RHOT1: variants seen among roughly 807,000 people sequenced by gnomAD.
The protein encoded by RHOT1 is ras homolog family member T1.
In RHOT1, 27 loss-of-function variants were observed where a neutral mutation model predicts 95.3. That is an observed-to-expected ratio of 0.28 (90% CI 0.21 to 0.39). RHOT1 has a LOEUF of 0.39. Ranked by LOEUF, RHOT1 falls within the 10% of genes least tolerant of loss-of-function variation. The pLI is 1.00. For synonymous variants in RHOT1, 227 were observed against 263.5 expected (o/e 0.86, Z 1.34); for missense variants, 578 against 786.7 (o/e 0.73, Z 3.17).
At chr17:32,143,374 C>T (rs551027563) in intron 1 of RHOT1, among the ~76,000 whole-genome samples, 7 of 152,280 alleles carry the variant, frequency 4.6e-5, no homozygotes, top group Admixed American at 2.0e-4. Flanking sequence ...TGGACTAACT[C>T]CTCGTACTCG....
chr17:32,165,045 A>C (rs560801888), intron 1 of RHOT1, among the ~76,000 whole-genome samples: 2 of 151,780 alleles, frequency 1.3e-5, no homozygotes, highest in East Asian at 3.9e-4. Flanking sequence ...ACAAAACAAA[A>C]AAAACAGGGC....
chr17:32,186,902 T>G (rs2036103259), intron 8 of RHOT1, among the ~76,000 whole-genome samples: 1 of 152,182 alleles, frequency 6.6e-6, no homozygotes, highest in African/African-American at 2.4e-5. Flanking sequence ...CCTCAAACAG[T>G]CCTTCTGCCC....
At chr17:32,171,786 A>G (rs930703362) in intron 2 of RHOT1, among the ~76,000 whole-genome samples, 3 of 152,198 alleles carry the variant, frequency 2.0e-5, no homozygotes, top group African/African-American at 7.2e-5. Flanking sequence ...AACCTTTAAT[A>G]TGATCTACCT....
intron 1 of RHOT1, among the ~76,000 whole-genome samples, chr17:32,165,336 C>CAAAA (rs773728913): frequency 2.9e-5 from 1 of 34,316 alleles, no homozygotes; most frequent in African/African-American, 1.2e-4. Context: ...GACTCCGTCT[C>CAAAA]AAAAAAAAAA....
chr17:32,192,105 G>T, intron 8 of RHOT1, 96 bp from the exon 9 acceptor site: 1 of 672,438 alleles, frequency 1.5e-6, no homozygotes, highest in South Asian at 2.1e-5. Context: ...CATGTTGGTT[G>T]TATTTGATAT....
rs576639915 is a variant in RHOT1, at chr17:32,192,859, A to G, written c.640-277A>G. On this transcript the variant is annotated intron_variant, in intron 9 of 19. Coordinates refer to ENST00000545287, the MANE Select transcript of RHOT1 (RefSeq NM_001033566.3). ...GCTAATTTTTGTATTTTTAGTAGAG[A>G]CGGGGTTTCACCATGTTGGCCAGGG... Among the ~76,000 whole-genome samples the G allele has an allele frequency of 8.6e-5, 13 of 151,692 alleles. No homozygotes were observed. The East Asian group carries it at 2.5e-3, about 29-fold the overall frequency.
At chr17:32,213,311 C>G (rs1297321615) in intron 19 of RHOT1, among the ~76,000 whole-genome samples, 1 of 152,096 alleles carries the variant, frequency 6.6e-6, no homozygotes, top group Non-Finnish European at 1.5e-5. Flanking sequence ...TTTCTCTAAG[C>G]ATTGTGTTAT....
At chr17:32,184,928 C>CT (rs1050141820) in intron 8 of RHOT1, among the ~76,000 whole-genome samples, 16 of 147,670 alleles carry the variant, frequency 1.1e-4, no homozygotes, top group East Asian at 4.1e-4. Context: ...CACTTGTTTG[C>CT]TTTTTTTTTG....
chr17:32,145,712 C>T (rs865914774), intron 1 of RHOT1, among the ~76,000 whole-genome samples: 11 of 152,076 alleles, frequency 7.2e-5, no homozygotes, highest in Non-Finnish European at 1.5e-4. Context: ...TTCTGCTATG[C>T]ACCTTAAAAA....
rs572972650 is a variant in RHOT1, at chr17:32,183,281, C to T, written c.540+9C>T. On this transcript the variant is annotated intron_variant, in intron 8 of 19. Coordinates refer to ENST00000545287, the MANE Select transcript of RHOT1 (RefSeq NM_001033566.3). ...GCCCAGAGGAGAAGGAGGTAACAGG[C>T]TGTGTTTATAGGGGCTGGAATGTGT... 7.1e-7 allele frequency: 1 copy of T among 1,416,284 alleles called. No homozygotes were observed. The highest frequency in any genetic ancestry group is 2.4e-5 in the East Asian group (1 of 41,150). 87.7% of individuals were successfully genotyped at this position (1,416,284 alleles called of 1,614,324 possible). A position where few individuals can be genotyped will look rare whatever the true frequency, so the allele number is the denominator to read the frequency against.
intron 6 of RHOT1, among the ~76,000 whole-genome samples, chr17:32,177,010 C>T (rs2142569061): frequency 6.6e-6 from 1 of 152,282 alleles, no homozygotes; most frequent in African/African-American, 2.4e-5. Flanking sequence ...AAACATATGA[C>T]TATGGTCATT....
chr17:32,205,850 AT>A (rs754623337), intron 16 of RHOT1, among the ~76,000 whole-genome samples: 1 of 152,154 alleles, frequency 6.6e-6, no homozygotes, highest in East Asian at 1.9e-4. Context: ...CCACCCCTGA[AT>A]TTTACTCTTG....
chr17:32,219,752 A>G (rs2038712208), intron 19 of RHOT1, among the ~76,000 whole-genome samples: 1 of 152,236 alleles, frequency 6.6e-6, no homozygotes, highest in African/African-American at 2.4e-5. Context: ...CAGAAAGCCA[A>G]CATCCCAGAC....
chr17:32,217,953 C>T (rs1398058633), intron 19 of RHOT1, among the ~76,000 whole-genome samples: 4 of 151,762 alleles, frequency 2.6e-5, no homozygotes, highest in Admixed American at 6.6e-5. Flanking sequence ...ACCCCCACCT[C>T]CCAGGTTCAA....
At chr17:32,156,855 A>G (rs1325503626) in intron 1 of RHOT1, among the ~76,000 whole-genome samples, 2 of 152,228 alleles carry the variant, frequency 1.3e-5, no homozygotes, top group African/African-American at 4.8e-5. Flanking sequence ...TTGTCATGAC[A>G]TTTACCATTT....
chr17:32,219,664 C>T (rs540014362), intron 19 of RHOT1, among the ~76,000 whole-genome samples: 1 of 152,118 alleles, frequency 6.6e-6, no homozygotes, highest in African/African-American at 2.4e-5. Flanking sequence ...CAAGTCCAGA[C>T]GTGTTGGTTG....
At chr17:32,209,454 CT>C in intron 18 of RHOT1, 2 of 1,492,674 alleles carry the variant, frequency 1.3e-6, no homozygotes, top group Non-Finnish European at 1.9e-6. Context: ...TTGTAAGTTA[CT>C]TTTTCTTTAT....
At chr17:32,170,191 G>A (rs2034461951) in intron 1 of RHOT1, among the ~76,000 whole-genome samples, 1 of 152,208 alleles carries the variant, frequency 6.6e-6, no homozygotes, top group South Asian at 2.1e-4. Context: ...GAGGCAGGTA[G>A]ATCACCTGAG....
intron 1 of RHOT1, among the ~76,000 whole-genome samples, chr17:32,149,724 TACACATATATATACAC>T (rs1567649620): frequency 1.4e-5 from 2 of 145,520 alleles, no homozygotes; most frequent in African/African-American, 5.3e-5. Context: ...CACATATATA[TACACATATATATACAC>T]ACACACACAC....
Sources: allele counts gnomAD v4.1 joint callset (sites outside exome capture counted in the v4.1 genomes callset), GRCh38; gene constraint gnomAD v4.1.1; transcripts MANE v1.5; gene names NCBI Gene and HGNC (gene_info 2026-07-23, HGNC 2026-07-21).